The following ABCA4 variants were observed in gnomAD, a reference collection of about 807,000 sequenced individuals.
ABCA4 encodes ATP binding cassette subfamily A member 4, also known as retinal-specific phospholipid-transporting ATPase ABCA4.
ABCA4 carries 196 observed loss-of-function variants against 263.7 expected under a neutral mutation model. The ratio of observed to expected loss-of-function variants is 0.74; its 90% CI spans 0.66 to 0.84. The LOEUF (loss-of-function observed/expected upper bound fraction) is 0.84. Among genes scored for constraint, ABCA4 ranks in the 40% least tolerant of loss-of-function variants. The pLI, the probability that ABCA4 is intolerant of heterozygous loss-of-function variation, is 0.00. For synonymous variants in ABCA4, 1,133 were observed against 1,094.2 expected, an observed-to-expected ratio of 1.04 and a Z score of -0.70; for missense variants, 2,792 against 2,855.1, an observed-to-expected ratio of 0.98 and a Z score of 0.50.
intron 6 of ABCA4, among the ~76,000 whole-genome samples, chr1:94,089,705 G>A (rs1465715686): frequency 2.6e-5 from 4 of 152,062 alleles, no homozygotes; most frequent in African/African-American, 7.2e-5. Context: ...CAAGTGATGC[G>A]TCTGCCTCGG....
At position 94,031,944 on chromosome 1, in the gene ABCA4, G is replaced by A. The variant is rs779524552; in HGVS notation, c.3962C>T (p.Ser1321Phe). 19 of 1,613,996 alleles carry A rather than the reference G, an allele frequency of 1.2e-5. No homozygotes were observed. In the Admixed American group the frequency reaches 1.8e-4, roughly 16 times the overall value. The change falls in exon 27 of 50, where the codon TCC (serine) becomes TTC (phenylalanine). Residue 1321 changes from serine (S) to phenylalanine (F), a missense_variant. By Grantham distance (155) the Ser-to-Phe change is radical (BLOSUM62 -2). Transcript: ENST00000370225. ...GQTPQDSNVC[S>F]PGAPAAHPEG... Reference sequence around the variant, plus strand: ...TGGGTGAGCAGCCGGCGCCCCTGGGGAGCAGACATTGGAGTCCTGGGGTGT... The same window carrying A: ...TGGGTGAGCAGCCGGCGCCCCTGGGAAGCAGACATTGGAGTCCTGGGGTGT...
chr1:94,059,606 A>G (rs1055370469), intron 14 of ABCA4: 5 of 152,192 alleles, frequency 3.3e-5, no homozygotes, highest in African/African-American at 1.2e-4. Context: ...GATGGGAGAC[A>G]CTCAGCCAGT....
chr1:94,046,841 A>C, intron 19 of ABCA4, 78 bp downstream of exon 19: 1 of 1,555,288 alleles, frequency 6.4e-7, no homozygotes. Context: ...GAAAGAGTAG[A>C]CAGCCGCTGA....
chr1:94,085,681 A>T (rs529879244), intron 6 of ABCA4, among the ~76,000 whole-genome samples: 35 of 152,174 alleles, frequency 2.3e-4, no homozygotes, highest in Middle Eastern at 3.4e-3. Context: ...GGCCATTACT[A>T]CGTTTTGACA....
intron 43 of ABCA4, among the ~76,000 whole-genome samples, 169 bp from the exon 44 acceptor site, chr1:94,005,751 G>A (rs187325823): frequency 6.6e-6 from 1 of 152,270 alleles, no homozygotes; most frequent in African/African-American, 2.4e-5. Context: ...GGGGCCCTTC[G>A]GTTAGAAACT....
chr1:94,044,807 AC>A, intron 19 of ABCA4, 63 bp from the exon 20 acceptor site: 1 of 1,611,324 alleles, frequency 6.2e-7, no homozygotes. Context: ...TAGGAGGGCC[AC>A]CCCCACACCA....
intron 7 of ABCA4, among the ~76,000 whole-genome samples, chr1:94,082,805 T>G (rs1158882932): frequency 2.0e-5 from 3 of 152,218 alleles, no homozygotes; most frequent in African/African-American, 4.8e-5. Flanking sequence ...TCTTATCTAT[T>G]GCGTGGAAGA....
At chr1:94,051,354 C>G (rs1570382365) in intron 17 of ABCA4, among the ~76,000 whole-genome samples, 1 of 152,182 alleles carries the variant, frequency 6.6e-6, no homozygotes. Flanking sequence ...GTGGCTTGGC[C>G]TTTTTTAAAT....
intron 1 of ABCA4, among the ~76,000 whole-genome samples, chr1:94,119,536 G>A (rs1288028936): frequency 2.0e-5 from 3 of 152,104 alleles, no homozygotes; most frequent in East Asian, 1.9e-4. Flanking sequence ...GTCCAGACCC[G>A]AGGTCAGGTT....
chr1:94,084,223 G>A (rs1281539304), intron 6 of ABCA4, among the ~76,000 whole-genome samples: 1 of 152,234 alleles, frequency 6.6e-6, no homozygotes, highest in Non-Finnish European at 1.5e-5. Context: ...ACTGATCCTA[G>A]AGGAGTCATG....
At chr1:94,049,827 A>AAC (rs146353973) in intron 17 of ABCA4, among the ~76,000 whole-genome samples, 3,929 of 149,500 alleles carry the variant, frequency 0.026, 58 homozygotes, top group East Asian at 0.036. Context: ...ACACGCATTG[A>AAC]ACACACACAC....
intron 3 of ABCA4, among the ~76,000 whole-genome samples, chr1:94,109,224 C>T (rs4147816): frequency 0.33 from 50,398 of 152,140 alleles, 9,313 homozygotes; most frequent in Admixed American, 0.43. Flanking sequence ...TTCAGTCTCC[C>T]AGTTTTGGCA....
intron 1 of ABCA4, among the ~76,000 whole-genome samples, chr1:94,119,997 C>T (rs1662905116): frequency 6.6e-6 from 1 of 152,178 alleles, no homozygotes; most frequent in Non-Finnish European, 1.5e-5. Context: ...CCCTTATCCC[C>T]TCCTTCCTCT....
At chr1:94,019,448 G>A (rs1659831606) in intron 36 of ABCA4, 134 bp downstream of exon 36, 3 of 969,192 alleles carry the variant, frequency 3.1e-6, no homozygotes, top group Admixed American at 2.5e-5. Context: ...GATACACAAG[G>A]CCCTTGGCCC....
intron 11 of ABCA4, among the ~76,000 whole-genome samples, chr1:94,074,761 G>C (rs549467782): frequency 2.6e-5 from 4 of 152,372 alleles, no homozygotes; most frequent in Non-Finnish European, 4.4e-5. Flanking sequence ...CATTGTGGAA[G>C]ATAGTGTGAT....
chr1:94,047,296 T>C (rs1660712638), intron 18 of ABCA4, among the ~76,000 whole-genome samples: 1 of 152,246 alleles, frequency 6.6e-6, no homozygotes. Context: ...TGCCAGGCAC[T>C]GCTTCGACTG....
intron 5 of ABCA4, among the ~76,000 whole-genome samples, chr1:94,100,673 CT>C (rs1662261759): frequency 6.6e-6 from 1 of 152,132 alleles, no homozygotes; most frequent in African/African-American, 2.4e-5. Context: ...TTCTAATTCC[CT>C]AGATGGAGAG....
In ABCA4 at chr1:94,051,669, A is replaced by G. The variant is rs62642570; in HGVS notation, c.2617T>C (p.Phe873Leu). 1.1e-5 allele frequency: 17 copies of G among 1,614,118 alleles called. No homozygotes were observed. The highest frequency in any genetic ancestry group is 1.4e-5 in the Non-Finnish European group (16 of 1,179,912). The part of the protein sequence containing the change: ...GDYGTPLPWY[F>L]LLQESYWLGG... ...AGCCAATACGACTCTTGTAGAAGAA[A>G]GTACCAAGGAAGTGGGGTTCCATAG... Residue 873 changes from phenylalanine (F) to leucine (L), a missense_variant, in exon 17 of 50, where the codon TTT becomes CTT. Phe to Leu is a conservative substitution (Grantham distance 22). Coordinates refer to ENST00000370225, the MANE Select transcript of ABCA4 (RefSeq NM_000350.3).
At position 94,043,325 on chromosome 1, in the gene ABCA4, GCT is replaced by G; in HGVS notation, c.3190+9_3190+10del. 1 of 1,614,020 alleles carries G rather than the reference GCT, an allele frequency of 6.2e-7. No individual in the cohort carries two copies. Among genetic ancestry groups the G allele is most frequent in the Non-Finnish European group, 8.5e-7 (1 of 1,179,942 alleles). Reference sequence around the variant, plus strand: ...CCATCTGTGGCCCTGTCTCCATCCAGCTCTGAGCACCTGATAGGTCCTGAGCC... The same window carrying G: ...CCATCTGTGGCCCTGTCTCCATCCAGCTGAGCACCTGATAGGTCCTGAGCC... On this transcript the variant is annotated intron_variant, in intron 21 of 49. Transcript: ENST00000370225.
Sources: gnomAD v4.1 joint callset for allele counts (sites outside exome capture counted in the v4.1 genomes callset) on GRCh38, gnomAD v4.1.1 for gene constraint, MANE v1.5 for transcripts, NCBI Gene and HGNC (gene_info 2026-07-23, HGNC 2026-07-21) for gene names.